Variants in ZBTB43 observed in about 807,000 individuals in gnomAD.
The protein encoded by ZBTB43 is zinc finger and BTB domain containing 43.
Under a neutral mutation model 31.1 loss-of-function variants are expected in ZBTB43, and 6 were observed. The observed-to-expected ratio is 0.19, with a 90% CI of 0.11 to 0.38. The LOEUF (loss-of-function observed/expected upper bound fraction) is 0.38, where lower values mean the gene tolerates loss of function less well. Among genes scored for constraint, ZBTB43 ranks in the 10% least tolerant of loss-of-function variants. ZBTB43 has a pLI of 1.00. For synonymous variants in ZBTB43, 212 were observed against 221.7 expected, an observed-to-expected ratio of 0.96 and a Z score of 0.39; for missense variants, 379 against 602.1, an observed-to-expected ratio of 0.63 and a Z score of 3.88.
chr9:126,837,340 G>A lies in ZBTB43; in HGVS notation c.*3427G>A, dbSNP rs1346995032. The A allele has an allele frequency of 6.0e-6, 1 of 167,046 alleles. No homozygotes were observed. The highest frequency in any genetic ancestry group is 2.4e-5 in the African/African-American group (1 of 41,426). 10.3% of individuals were successfully genotyped at this position (167,046 alleles called of 1,614,324 possible). ...CACTACTTTAAAAGCTTGCCCAAAG[G>A]GATCCCCTCCATTCTAGTGGGCATT... On this transcript the variant is annotated 3_prime_UTR_variant, in exon 3 of 3. Transcript: ENST00000373464.
At chr9:126,816,971 C>CT (rs1159872369) in intron 2 of ZBTB43, among the ~76,000 whole-genome samples, 2 of 152,280 alleles carry the variant, frequency 1.3e-5, no homozygotes, top group East Asian at 3.9e-4. Flanking sequence ...CAGGACCTGT[C>CT]TGTCCTTGGC....
At chr9:126,812,112 T>C (rs185065518) in intron 2 of ZBTB43, among the ~76,000 whole-genome samples, 1 of 152,358 alleles carries the variant, frequency 6.6e-6, no homozygotes, top group East Asian at 1.9e-4. Context: ...GAATCTACTT[T>C]CTGTCTCTAT....
At chr9:126,806,621 A>G (rs2032132343) in intron 1 of ZBTB43, among the ~76,000 whole-genome samples, 1 of 152,238 alleles carries the variant, frequency 6.6e-6, no homozygotes, top group Non-Finnish European at 1.5e-5. Flanking sequence ...AAAATTGTTA[A>G]GTCTTAAAGT....
rs768608223 is a variant in ZBTB43 at position 126,834,177 on chromosome 9, G to T, written c.*264G>T. 1 of 345,722 alleles carries T rather than the reference G, an allele frequency of 2.9e-6. No homozygotes were observed. The highest frequency in any genetic ancestry group is 5.5e-6 in the Non-Finnish European group (1 of 180,250). The allele number at this position is 345,722 out of a possible 1,614,324, so 21.4% of individuals were successfully genotyped here. On this transcript the variant is annotated 3_prime_UTR_variant, in exon 3 of 3. Coordinates refer to ENST00000373464, the MANE Select transcript of ZBTB43 (RefSeq NM_014007.4). ...GGCAAGGGAAACCTTCTGACTGGTT[G>T]TGATCGAAACAGGTGGACAGAGACA... is the stretch of plus-strand genomic sequence containing the variant.
intron 2 of ZBTB43, among the ~76,000 whole-genome samples, chr9:126,820,987 AG>A (rs1366880614): frequency 4.0e-5 from 6 of 149,894 alleles, no homozygotes; most frequent in Non-Finnish European, 7.4e-5. Flanking sequence ...AAAAAAAAAA[AG>A]GATATTTTGT....
intron 2 of ZBTB43, among the ~76,000 whole-genome samples, chr9:126,826,584 C>T (rs1414003019): frequency 6.6e-6 from 1 of 150,556 alleles, no homozygotes; most frequent in African/African-American, 2.4e-5. Flanking sequence ...CCACATCAGC[C>T]TCCCGAGTAG....
At chr9:126,806,888 C>T (rs1466063491) in intron 1 of ZBTB43, among the ~76,000 whole-genome samples, 2 of 152,184 alleles carry the variant, frequency 1.3e-5, no homozygotes, top group Admixed American at 6.5e-5. Flanking sequence ...GGCTCTCCTC[C>T]CTCTGCCTTT....
intron 2 of ZBTB43, among the ~76,000 whole-genome samples, chr9:126,822,257 CA>C (rs1398443934): frequency 6.6e-6 from 1 of 151,078 alleles, no homozygotes; most frequent in Non-Finnish European, 1.5e-5. Flanking sequence ...TCAGAGAAGC[CA>C]AAAAATTGGA....
intron 2 of ZBTB43, among the ~76,000 whole-genome samples, chr9:126,815,948 A>G (rs899459283): frequency 6.6e-6 from 1 of 152,082 alleles, no homozygotes; most frequent in Admixed American, 6.6e-5. Flanking sequence ...TCATTCTGGA[A>G]CATAATTAAG....
intron 1 of ZBTB43, among the ~76,000 whole-genome samples, chr9:126,807,359 T>G: frequency 6.6e-6 from 1 of 152,222 alleles, no homozygotes; most frequent in East Asian, 1.9e-4. Flanking sequence ...GTTAAAGTGT[T>G]CGTTAAACTT....
Position 126,834,819 on chromosome 9 carries a change from C to T in ZBTB43, c.*906C>T, listed in dbSNP as rs2032846481. 1.2e-5 allele frequency: 2 copies of T among 167,036 alleles called. No homozygotes were observed. Among genetic ancestry groups the T allele is most frequent in the Admixed American group, 1.3e-4 (2 of 15,276 alleles). 10.3% of individuals were successfully genotyped at this position (167,036 alleles called of 1,614,324 possible). ...CGGGCTGCCACAGCCCCTGCTCTGTCTTAGATTATGGTGCTTTACAAAGAG... is the reference window on the plus strand; with the variant it reads ...CGGGCTGCCACAGCCCCTGCTCTGTTTTAGATTATGGTGCTTTACAAAGAG... On this transcript the variant is annotated 3_prime_UTR_variant, in exon 3 of 3. Coordinates refer to ENST00000373464, the MANE Select transcript of ZBTB43 (RefSeq NM_014007.4).
intron 2 of ZBTB43, among the ~76,000 whole-genome samples, chr9:126,823,601 A>T (rs1428981857): frequency 6.6e-6 from 1 of 152,228 alleles, no homozygotes. Context: ...ACTGACAAGG[A>T]AAGATTCACT....
chr9:126,829,826 G>A (rs1225161266), intron 2 of ZBTB43, among the ~76,000 whole-genome samples: 3 of 152,082 alleles, frequency 2.0e-5, no homozygotes, highest in African/African-American at 7.2e-5. Flanking sequence ...TCACCCAGAT[G>A]TAGTTTCCAG....
chr9:126,828,357 G>C (rs2032689814), intron 2 of ZBTB43, among the ~76,000 whole-genome samples: 1 of 151,634 alleles, frequency 6.6e-6, no homozygotes. Flanking sequence ...CTAATTTTTT[G>C]TAGTTTTAGT....
In ZBTB43 at chr9:126,834,880, CA is replaced by C. The variant is rs1329014998; in HGVS notation, c.*969del. 1 of 167,078 alleles carries C rather than the reference CA, an allele frequency of 6.0e-6. No individual in the cohort carries two copies. Among genetic ancestry groups the C allele is most frequent in the Non-Finnish European group, 1.5e-5 (1 of 68,130 alleles). 10.3% of individuals were successfully genotyped at this position (167,078 alleles called of 1,614,324 possible). A position where few individuals can be genotyped will look rare whatever the true frequency, so the allele number is the denominator to read the frequency against. On this transcript the variant is annotated 3_prime_UTR_variant, in exon 3 of 3. Transcript: ENST00000373464. ...GACCACACTTAGTGAGAAGGAGCCA[CA>C]AGTTGTGGCTGAGAGTTCCCTGTGA...
chr9:126,826,407 A>G (rs998973683), intron 2 of ZBTB43, among the ~76,000 whole-genome samples: 1 of 148,542 alleles, frequency 6.7e-6, no homozygotes, highest in Non-Finnish European at 1.5e-5. Flanking sequence ...TTGACCTTCC[A>G]AAGTGCTGAG....
At chr9:126,814,783 ACT>A (rs892089448) in intron 2 of ZBTB43, among the ~76,000 whole-genome samples, 1 of 151,896 alleles carries the variant, frequency 6.6e-6, no homozygotes, top group Admixed American at 6.6e-5. Flanking sequence ...ACAGAGCAAG[ACT>A]CTGTCTAAAA....
At chr9:126,807,073 C>T (rs184508001) in intron 1 of ZBTB43, among the ~76,000 whole-genome samples, 2 of 152,078 alleles carry the variant, frequency 1.3e-5, no homozygotes, top group African/African-American at 2.4e-5. Context: ...TTTTTAAAAT[C>T]TCTTATTTAA....
intron 2 of ZBTB43, among the ~76,000 whole-genome samples, chr9:126,831,172 C>G (rs2032754103): frequency 6.6e-6 from 1 of 152,182 alleles, no homozygotes; most frequent in African/African-American, 2.4e-5. Context: ...AGCCCCCAGG[C>G]CCCTCACTCC....
Sources: gnomAD v4.1 joint callset for allele counts (sites outside exome capture counted in the v4.1 genomes callset) on GRCh38, gnomAD v4.1.1 for gene constraint, MANE v1.5 for transcripts, NCBI Gene and HGNC (gene_info 2026-07-23, HGNC 2026-07-21) for gene names.